COL4A5: variants seen among roughly 807,000 people sequenced by gnomAD.
The protein encoded by COL4A5 is collagen type IV alpha 5 chain, also known as collagen alpha-5(IV) chain.
In COL4A5, 26 loss-of-function variants were observed where a neutral mutation model predicts 130.2. That is an observed-to-expected ratio of 0.20 (90% CI 0.15 to 0.28). COL4A5 has a LOEUF of 0.28. COL4A5 is among the 10% of genes least tolerant of loss of function. COL4A5 has a pLI of 1.00. For synonymous variants in COL4A5, 496 were observed against 439.6 expected, an observed-to-expected ratio of 1.13 and a Z score of -1.60; for missense variants, 1,131 against 1,344.3, an observed-to-expected ratio of 0.84 and a Z score of 2.48.
chrX:108,551,638 G>A (rs750399316), intron 2 of COL4A5, among the ~76,000 whole-genome samples: 2 of 112,160 alleles, frequency 1.8e-5, no homozygotes, highest in South Asian at 7.4e-4. Context: ...TTCAGCCACT[G>A]TAGAAAGCAG....
At chrX:108,500,330 T>C (rs773019747) in intron 1 of COL4A5, among the ~76,000 whole-genome samples, 2 of 111,965 alleles carry the variant, frequency 1.8e-5, no homozygotes, top group Non-Finnish European at 3.8e-5. Flanking sequence ...GGGGCACTTA[T>C]GCTTTTTGGG....
intron 6 of COL4A5, among the ~76,000 whole-genome samples, chrX:108,569,648 CTTCT>C (rs900265387): frequency 3.7e-5 from 4 of 109,474 alleles, no homozygotes; most frequent in African/African-American, 1.3e-4. Context: ...ACCTTAGGTC[CTTCT>C]TTCTTTCTTT....
intron 18 of COL4A5, among the ~76,000 whole-genome samples, chrX:108,585,085 T>G (rs1049693241): frequency 5.3e-5 from 6 of 112,226 alleles, no homozygotes; most frequent in African/African-American, 1.9e-4. Context: ...AGATTTTCTG[T>G]CATGTTTGTG....
At chrX:108,493,760 A>G (rs891690172) in intron 1 of COL4A5, among the ~76,000 whole-genome samples, 5 of 107,535 alleles carry the variant, frequency 4.6e-5, no homozygotes, top group Non-Finnish European at 7.7e-5. Context: ...TGAATGGGAG[A>G]GTTAACCAGC....
At chrX:108,601,062 G>A (rs867086705) in intron 25 of COL4A5, among the ~76,000 whole-genome samples, 4 of 111,368 alleles carry the variant, frequency 3.6e-5, no homozygotes, top group South Asian at 3.8e-4. Context: ...AGTTTCTTTC[G>A]GAAACAGCCT....
intron 1 of COL4A5, among the ~76,000 whole-genome samples, chrX:108,508,557 C>CAAAA (rs1182036182): frequency 6.5e-4 from 25 of 38,171 alleles, no homozygotes; most frequent in African/African-American, 1.7e-3. Flanking sequence ...CATGTAGGAC[C>CAAAA]AAAAAAAAAA....
chrX:108,584,045 G>A (rs1206699504), intron 17 of COL4A5, among the ~76,000 whole-genome samples: 1 of 84,817 alleles, frequency 1.2e-5, no homozygotes, highest in Non-Finnish European at 2.2e-5. Flanking sequence ...TCCTTGACTA[G>A]TTTTATGAGA....
rs927661673 is a variant in COL4A5 at position 108,487,247 on chromosome X, G to A, written c.81+47041G>A. ...CTCTACTAAAAATACAAAATTAGCT[G>A]GGCGTGGTGGTGCATGCCTGTAATC... On this transcript the variant is annotated intron_variant, in intron 1 of 52. Transcript: ENST00000328300. Among the ~76,000 whole-genome samples, 8 of 110,122 alleles carry A rather than the reference G, an allele frequency of 7.3e-5. 1 individual carries two copies. Among genetic ancestry groups the A allele is most frequent in the Admixed American group, 2.9e-4 (3 of 10,301 alleles).
intron 1 of COL4A5, among the ~76,000 whole-genome samples, chrX:108,482,883 G>A (rs1311855152): frequency 9.0e-5 from 10 of 111,438 alleles, no homozygotes; most frequent in Non-Finnish European, 1.9e-5. Flanking sequence ...GCTTCATTAT[G>A]TTCCTTGGTT....
intron 50 of COL4A5, 27 bp downstream of exon 50, chrX:108,692,952 T>G: frequency 8.3e-7 from 1 of 1,204,078 alleles, no homozygotes; most frequent in Non-Finnish European, 1.1e-6. Context: ...GCTGTGACTT[T>G]TACCAATCCC....
chrX:108,488,428 T>C (rs998279051), intron 1 of COL4A5, among the ~76,000 whole-genome samples: 13 of 112,643 alleles, frequency 1.2e-4, no homozygotes, highest in Non-Finnish European at 2.1e-4. Flanking sequence ...AGATGTGTGC[T>C]ATCTGTAGGG....
chrX:108,555,229 G>T (rs182577773), intron 2 of COL4A5, among the ~76,000 whole-genome samples: 2 of 111,926 alleles, frequency 1.8e-5, no homozygotes, highest in Middle Eastern at 4.6e-3. Context: ...TCTAACTCTG[G>T]TGTCAGGGCC....
intron 37 of COL4A5, 46 bp downstream of exon 37, chrX:108,655,503 A>C (rs1192554551): frequency 2.5e-6 from 3 of 1,188,621 alleles, no homozygotes; most frequent in Admixed American, 4.4e-5. Context: ...TTCCTTATCT[A>C]CTCCAACCAG....
At chrX:108,521,478 G>T (rs781292062) in intron 1 of COL4A5, among the ~76,000 whole-genome samples, 2 of 111,083 alleles carry the variant, frequency 1.8e-5, no homozygotes, top group South Asian at 7.6e-4. Context: ...CAAAGATAAA[G>T]CAAGCTTACT....
At chrX:108,568,393 A>G (rs997022295) in intron 4 of COL4A5, among the ~76,000 whole-genome samples, 4 of 111,889 alleles carry the variant, frequency 3.6e-5, no homozygotes, top group Non-Finnish European at 5.6e-5. Flanking sequence ...AATAAGTGCA[A>G]TGAAGACAAT....
chrX:108,483,223 A>ATGTG (rs3081023), intron 1 of COL4A5, among the ~76,000 whole-genome samples: 483 of 93,827 alleles, frequency 5.1e-3, no homozygotes, highest in Non-Finnish European at 6.1e-3. Flanking sequence ...GTGTGTGTGT[A>ATGTG]TGTGTGTGTG....
At chrX:108,567,347 T>C (rs923392777) in intron 4 of COL4A5, among the ~76,000 whole-genome samples, 1 of 112,337 alleles carries the variant, frequency 8.9e-6, no homozygotes, top group Non-Finnish European at 1.9e-5. Context: ...TTACCTTTTT[T>C]AAAATTTTAA....
intron 1 of COL4A5, among the ~76,000 whole-genome samples, chrX:108,511,118 T>C (rs911580504): frequency 5.4e-5 from 6 of 111,938 alleles, no homozygotes; most frequent in Non-Finnish European, 1.1e-4. Context: ...ATTGTGTCAC[T>C]ACATTTATAA....
intron 1 of COL4A5, among the ~76,000 whole-genome samples, chrX:108,500,119 T>C (rs761468152): frequency 2.7e-5 from 3 of 112,391 alleles, no homozygotes; most frequent in South Asian, 7.4e-4. Flanking sequence ...AGTAAATACC[T>C]GAACTGTTTT....
Sources: gnomAD v4.1 joint callset for allele counts (sites outside exome capture counted in the v4.1 genomes callset) on GRCh38, gnomAD v4.1.1 for gene constraint, MANE v1.5 for transcripts, NCBI Gene and HGNC (gene_info 2026-07-23, HGNC 2026-07-21) for gene names.